LAX1: variants seen among roughly 807,000 people sequenced by gnomAD.
LAX1 encodes the protein lymphocyte transmembrane adaptor 1, also known as lymphocyte transmembrane adapter 1.
Under a neutral mutation model 20.7 loss-of-function variants are expected in LAX1, and 17 were observed. The ratio of observed to expected loss-of-function variants is 0.82; its 90% confidence interval spans 0.56 to 1.23. The LOEUF (loss-of-function observed/expected upper bound fraction) is 1.23. Ranked by LOEUF, LAX1 falls within the 50% of genes most tolerant of loss-of-function variation. LAX1 has a pLI of 0.00. For missense variants in LAX1, 470 were observed against 487.0 expected (o/e 0.97, Z 0.33); for synonymous variants, 165 against 181.0 (o/e 0.91, Z 0.71).
chr1:203,770,536 A>G (rs561741959), intron 1 of LAX1, among the ~76,000 whole-genome samples: 16 of 115,684 alleles, frequency 1.4e-4, no homozygotes, highest in African/African-American at 4.8e-4. Context: ...AAAGAAAGAA[A>G]GAAAGAAAGA....
intron 1 of LAX1, 97 bp from the exon 2 acceptor site, chr1:203,770,731 C>T: frequency 1.0e-6 from 1 of 959,508 alleles, no homozygotes; most frequent in Non-Finnish European, 1.7e-6. Context: ...ACTCGGCTCC[C>T]ATTCCAAATC....
rs1406978355 is a variant in LAX1 at position 203,776,332 on chromosome 1, CAGAGAA to C, written c.*1655_*1660del. The C allele has an allele frequency of 4.7e-5, 5 of 107,166 alleles. No homozygotes were observed. Among genetic ancestry groups the C allele is most frequent in the African/African-American group, 1.8e-4 (5 of 27,248 alleles). 6.6% of individuals were successfully genotyped at this position (107,166 alleles called of 1,614,324 possible). On this transcript the variant is annotated 3_prime_UTR_variant, in exon 5 of 5. Transcript: ENST00000442561. ...GCGGACTGCATTCCAGCCTGGGCAA[CAGAGAA>C]AGACTCTGTCTCAAAAAAAAAAAAA...
At chr1:203,768,206 G>A (rs1188822482) in intron 1 of LAX1, among the ~76,000 whole-genome samples, 2 of 152,156 alleles carry the variant, frequency 1.3e-5, no homozygotes, top group Non-Finnish European at 2.9e-5. Context: ...AGCTACTCGG[G>A]AGGCTGAGGC....
chr1:203,772,205 A>G lies in LAX1; in HGVS notation c.390+58A>G. 3 of 1,313,990 alleles carry G rather than the reference A, an allele frequency of 2.3e-6. No homozygotes were observed. In the Admixed American group the frequency reaches 5.1e-5, roughly 22 times the overall value. 81.4% of individuals were successfully genotyped at this position (1,313,990 alleles called of 1,614,324 possible). A position where few individuals can be genotyped will look rare whatever the true frequency, so the allele number is the denominator to read the frequency against. The stretch of plus-strand genomic sequence containing the variant: ...TCTCTGGCAGAAGAACTGCGGGGAA[A>G]GAGTTATAGGGCTTAGATCTGGTTT... On this transcript the variant is annotated intron_variant, in intron 4 of 4. Coordinates refer to ENST00000442561, the MANE Select transcript of LAX1 (RefSeq NM_017773.4).
intron 1 of LAX1, among the ~76,000 whole-genome samples, chr1:203,765,947 C>G (rs2102261778): frequency 6.6e-6 from 1 of 152,202 alleles, no homozygotes; most frequent in South Asian, 2.1e-4. Context: ...GCCCTGAACC[C>G]TATCATCAGT....
In LAX1 at chr1:203,774,278, C is replaced by G; in HGVS notation, c.794C>G (p.Ser265Ter). ...AATGGAGAAGGTTCTTCTCAGATCT[C>G]AAATGACTATGTCAACATGACAGGG... ...LSNGEGSSQI[S>*]NDYVNMTGLD... is the part of the protein sequence containing the mutation. The change falls in exon 5 of 5, where the codon TCA becomes TGA. Residue 265 changes from serine (S) to a stop codon, truncating the protein, a stop_gained. Transcript: ENST00000442561. LOFTEE classifies it low-confidence loss of function (END_TRUNC). 6.2e-7 allele frequency: 1 copy of G among 1,614,166 alleles called. No individual in the cohort carries two copies. The highest frequency in any genetic ancestry group is 8.5e-7 in the Non-Finnish European group (1 of 1,180,042).
chr1:203,771,731 C>T (rs867969439), intron 3 of LAX1, among the ~76,000 whole-genome samples: 2 of 152,084 alleles, frequency 1.3e-5, no homozygotes, highest in African/African-American at 2.4e-5. Flanking sequence ...AGAAGAAAGC[C>T]AAGTGTGTCC....
chr1:203,765,780 C>G, intron 1 of LAX1, 126 bp downstream of exon 1: 1 of 854,698 alleles, frequency 1.2e-6, no homozygotes, highest in Non-Finnish European at 1.9e-6. Flanking sequence ...TCTACTAAAC[C>G]ACCAAACTCT....
At chr1:203,768,720 A>G (rs1346087127) in intron 1 of LAX1, among the ~76,000 whole-genome samples, 4 of 152,188 alleles carry the variant, frequency 2.6e-5, no homozygotes, top group African/African-American at 9.6e-5. Context: ...CTGATTTACC[A>G]TTTAGAATTA....
intron 1 of LAX1, among the ~76,000 whole-genome samples, chr1:203,770,429 AAGAAAG>A (rs1214724557): frequency 9.7e-5 from 2 of 20,568 alleles, no homozygotes; most frequent in African/African-American, 1.2e-4. Flanking sequence ...GAAAGAAAGA[AAGAAAG>A]AGAGAGAGAG....
intron 1 of LAX1, among the ~76,000 whole-genome samples, chr1:203,769,413 G>GAA (rs1263223720): frequency 8.3e-5 from 7 of 84,752 alleles, no homozygotes; most frequent in Non-Finnish European, 1.2e-4. Context: ...AAGAAAGAAA[G>GAA]AAAGAAAGAA....
chr1:203,766,230 A>G (rs1446204698), intron 1 of LAX1, among the ~76,000 whole-genome samples: 2 of 152,194 alleles, frequency 1.3e-5, no homozygotes. Context: ...TAACCCCAGC[A>G]CTTTGGGAGG....
At position 203,772,153 on chromosome 1, in the gene LAX1, A is replaced by G. The variant is rs1667433346; in HGVS notation, c.390+6A>G. ...CTGAGAGCCCGGAGCATGTGGTAAG[A>G]GTCAAGCTTCTTGGGAGAATGACAT... is the stretch of plus-strand genomic sequence containing the variant. On this transcript the variant is annotated splice_donor_region_variant and intron_variant, in intron 4 of 4. Coordinates refer to ENST00000442561, the MANE Select transcript of LAX1 (RefSeq NM_017773.4). The G allele has an allele frequency of 6.2e-7, 1 of 1,607,630 alleles. No individual in the cohort carries two copies. The highest frequency in any genetic ancestry group is 1.7e-5 in the Admixed American group (1 of 59,996).
intron 1 of LAX1, among the ~76,000 whole-genome samples, chr1:203,769,316 T>A (rs1425626833): frequency 6.7e-6 from 1 of 150,214 alleles, no homozygotes; most frequent in Non-Finnish European, 1.5e-5. Context: ...CGCTTGAACC[T>A]GGGAGGCAGA....
In LAX1 at chr1:203,765,479, G is replaced by T; in HGVS notation, c.-87G>T. 6.3e-7 allele frequency: 1 copy of T among 1,581,258 alleles called. No individual in the cohort carries two copies. On this transcript the variant is annotated 5_prime_UTR_variant, in exon 1 of 5. Transcript: ENST00000442561. ...AGGGAGTTTGTTGCGGGGGTGGGGA[G>T]AAGTGGTAGACATGCTGGCTAACTG... is the stretch of plus-strand genomic sequence containing the variant.
At chr1:203,766,936 G>C (rs1418925317) in intron 1 of LAX1, among the ~76,000 whole-genome samples, 1 of 151,550 alleles carries the variant, frequency 6.6e-6, no homozygotes, top group African/African-American at 2.4e-5. Flanking sequence ...GCTCACTGCA[G>C]CCTCCACCTC....
rs1667485801 is a variant in LAX1, at chr1:203,774,855, TGGGAATTCCAGAA to T, written c.*183_*195del. On this transcript the variant is annotated 3_prime_UTR_variant, in exon 5 of 5. Coordinates refer to ENST00000442561, the MANE Select transcript of LAX1 (RefSeq NM_017773.4). ...AAGAGGCCACACAAAAGCAGAGGTT[TGGGAATTCCAGAA>T]GGGAATTCTTCTCAAGCAGAGTGTG... is the stretch of plus-strand genomic sequence containing the variant. 3.3e-6 allele frequency: 2 copies of T among 607,452 alleles called. No individual in the cohort carries two copies. The highest frequency in any genetic ancestry group is 5.7e-6 in the Non-Finnish European group (2 of 348,424). The allele number at this position is 607,452 out of a possible 1,614,324, so 37.6% of individuals were successfully genotyped here. A position where few individuals can be genotyped will look rare whatever the true frequency, so the allele number is the denominator to read the frequency against.
Position 203,774,344 on chromosome 1 carries a change from C to T in LAX1, c.860C>T (p.Ala287Val). The change falls in exon 5 of 5, where the codon GCT becomes GTT. Residue 287 changes from alanine (A) to valine (V), a missense_variant. Physicochemically the swap from Ala to Val is moderately conservative, Grantham distance 64. Coordinates refer to ENST00000442561, the MANE Select transcript of LAX1 (RefSeq NM_017773.4). The stretch of plus-strand genomic sequence containing the variant: ...ATCCAGGAAAGGCAGCTCTGGGTGG[C>T]TTTTCAGTGCTGCAGAGACTATGAA... Reference protein sequence around the residue: ...SAIQERQLWVAFQCCRDYENV... With the variant: ...SAIQERQLWVVFQCCRDYENV... 1 of 1,614,138 alleles carries T rather than the reference C, an allele frequency of 6.2e-7. No homozygotes were observed. The highest frequency in any genetic ancestry group is 8.5e-7 in the Non-Finnish European group (1 of 1,180,024).
At position 203,772,725 on chromosome 1, in the gene LAX1, AT is replaced by A. The variant is rs34901413; in HGVS notation, c.390+590del. Among the ~76,000 whole-genome samples the A allele has an allele frequency of 2.8e-3, 390 of 137,666 alleles. 2 individuals carry two copies. The highest frequency in any genetic ancestry group is 9.5e-3 in the East Asian group (41 of 4,324). The allele number at this position is 137,666 out of a possible 152,430, so 90.3% of individuals were successfully genotyped here. On this transcript the variant is annotated intron_variant, in intron 4 of 4. Coordinates refer to ENST00000442561, the MANE Select transcript of LAX1 (RefSeq NM_017773.4). ...ACAGGCATGAGCCACCGTGCCCAGC[AT>A]TTTTTTTTTTTCTTTTTTTGCTCAC...
Sources: gnomAD v4.1 joint callset for allele counts (sites outside exome capture counted in the v4.1 genomes callset) on GRCh38, gnomAD v4.1.1 for gene constraint, MANE v1.5 for transcripts, NCBI Gene and HGNC (gene_info 2026-07-23, HGNC 2026-07-21) for gene names.